USB1: variants seen among roughly 807,000 people sequenced by gnomAD.
The protein encoded by USB1 is U6 snRNA biogenesis phosphodiesterase 1.
A neutral mutation model predicts 29.9 loss-of-function variants in USB1; 21 were observed. The observed-to-expected ratio is 0.70, with a 90% CI of 0.50 to 1.01. The LOEUF (loss-of-function observed/expected upper bound fraction) is 1.01. USB1 is among the 50% of genes least tolerant of loss of function. The probability of loss-of-function intolerance (pLI) is 0.00; values close to 1 mark genes in which losing one functional copy is unlikely to be tolerated. For missense variants in USB1, 330 were observed against 347.1 expected, an observed-to-expected ratio of 0.95 and a Z score of 0.39; for synonymous variants, 143 against 134.9, an observed-to-expected ratio of 1.06 and a Z score of -0.42.
chr16:58,000,435 G>A (rs1283516643), upstream of USB1: 7 of 150,172 alleles, frequency 4.7e-5, no homozygotes, highest in Admixed American at 2.0e-4. This position sits in a 1 kb window ranked among gnomAD's most constrained non-coding sequence, Gnocchi z 4.5. Context: ...GGCGCGGGGC[G>A]AGCGGCGACC....
intron 3 of USB1, chr16:58,012,453 G>C (rs1328112268): frequency 1.7e-6 from 2 of 1,172,044 alleles, no homozygotes; most frequent in African/African-American, 1.5e-5. Context: ...CAAGATATCA[G>C]ATGGCACCTG....
chr16:58,018,848 G>T, intron 5 of USB1, 124 bp from the exon 6 acceptor site: 1 of 903,440 alleles, frequency 1.1e-6, no homozygotes, highest in Non-Finnish European at 1.8e-6. Context: ...TGAGTATCTT[G>T]TCTCCCACTG....
chr16:58,019,027 T>C lies in USB1; in HGVS notation c.665T>C (p.Leu222Pro). ...AWCVGDARLQLEGQCLQELQA... is the reference protein window; with the variant it reads ...AWCVGDARLQPEGQCLQELQA... Reference sequence around the variant, plus strand: ...TGTGTGGGTGATGCACGTCTCCAGCTGGAGGGGCAGTGCCTGCAGGAACTA... The same window carrying C: ...TGTGTGGGTGATGCACGTCTCCAGCCGGAGGGGCAGTGCCTGCAGGAACTA... The change falls in exon 6 of 7, where the codon CTG becomes CCG. Residue 222 changes from leucine to proline, a missense_variant. Physicochemically the swap from Leu to Pro is moderately conservative, Grantham distance 98 (BLOSUM62 -3). Transcript: ENST00000219281. The C allele has an allele frequency of 6.2e-7, 1 of 1,614,140 alleles. No individual in the cohort carries two copies.
chr16:58,001,575 A>G lies in USB1; in HGVS notation c.92A>G (p.His31Arg), dbSNP rs1963194145. 1 of 1,605,764 alleles carries G rather than the reference A, an allele frequency of 6.2e-7. No homozygotes were observed. Among genetic ancestry groups the G allele is most frequent in the Non-Finnish European group, 8.5e-7 (1 of 1,176,746 alleles). ...GMRTRPGDGS[H>R]RRGQSPLPRQ... ...CGGACCAGGCCGGGGGATGGGAGCC[A>G]CCGTCGGTGAGGAGTGAGGAAGTCT... The change falls in exon 1 of 7, where the codon CAC becomes CGC. Residue 31 changes from histidine to arginine, a missense_variant. Transcript: ENST00000219281.
intron 3 of USB1, chr16:58,012,634 G>A (rs899257294): frequency 2.7e-5 from 35 of 1,314,026 alleles, no homozygotes; most frequent in Middle Eastern, 3.0e-4. Flanking sequence ...GGTCTGACCC[G>A]TCTCCTGTGT....
chr16:58,002,688 C>G (rs774911514), intron 2 of USB1, 43 bp downstream of exon 2: 69 of 1,612,144 alleles, frequency 4.3e-5, no homozygotes, highest in Non-Finnish European at 5.8e-5. Context: ...CCCATAGACC[C>G]GTAGGTGCCT....
At chr16:58,012,697 G>A in intron 3 of USB1, 3 of 1,133,346 alleles carry the variant, frequency 2.6e-6, no homozygotes, top group Non-Finnish European at 3.3e-6. Context: ...CACAGAGAGT[G>A]CTTCCCTTAT....
rs188982650 is a variant in USB1 at position 58,007,883 on chromosome 16, T to C, written c.266-2046T>C. On this transcript the variant is annotated intron_variant, in intron 2 of 6. Transcript: ENST00000219281. Reference sequence around the variant, plus strand: ...CTGTAATCCCAGCTACTCGGGAGACTGAGGCAGGAGAATCGCTTGAACCTG... The same window carrying C: ...CTGTAATCCCAGCTACTCGGGAGACCGAGGCAGGAGAATCGCTTGAACCTG... Among the ~76,000 whole-genome samples, 318 of 152,190 alleles carry C rather than the reference T, an allele frequency of 2.1e-3. 4 individuals carry two copies. In the East Asian group the frequency reaches 0.023, roughly 11 times the overall value.
At position 58,001,507 on chromosome 16, in the gene USB1, C is replaced by T; in HGVS notation, c.24C>T (p.Gly8=). 1 of 1,606,686 alleles carries T rather than the reference C, an allele frequency of 6.2e-7. No individual in the cohort carries two copies. Among genetic ancestry groups the T allele is most frequent in the African/African-American group, 1.3e-5 (1 of 74,920 alleles). The change falls in exon 1 of 7, where the codon GGC becomes GGT. Residue 8 remains glycine (G), a synonymous_variant. Coordinates refer to ENST00000219281, the MANE Select transcript of USB1 (RefSeq NM_024598.4). ...CCATGAGCGCGGCGCCCCTGGTGGG[C>T]TACAGCAGCAGCGGCTCCGAGGATG... MSAAPLV[G]YSSSGSEDES... is the part of the protein sequence containing the mutation.
chr16:58,012,513 C>A, intron 3 of USB1: 1 of 1,225,244 alleles, frequency 8.2e-7, no homozygotes, highest in South Asian at 1.6e-5. Context: ...CTGTCCCCTT[C>A]CTTTGTCACA....
intron 2 of USB1, 36 bp from the exon 3 acceptor site, chr16:58,009,893 A>G: frequency 6.2e-7 from 1 of 1,613,852 alleles, no homozygotes. Flanking sequence ...ACCTTGGCTG[A>G]GAGAACGGCC....
At chr16:58,004,882 G>A (rs1030206924) in intron 2 of USB1, among the ~76,000 whole-genome samples, 6 of 152,280 alleles carry the variant, frequency 3.9e-5, no homozygotes, top group African/African-American at 9.6e-5. Context: ...ACCAAGACGC[G>A]GAGACCGGTA....
chr16:58,011,334 C>T, intron 3 of USB1: 1 of 1,386,006 alleles, frequency 7.2e-7, no homozygotes, highest in Non-Finnish European at 9.3e-7. Flanking sequence ...CAGCACACCA[C>T]TTGGGTGAAG....
intron 2 of USB1, among the ~76,000 whole-genome samples, chr16:58,006,591 G>A (rs1468977471): frequency 6.6e-6 from 1 of 152,066 alleles, no homozygotes; most frequent in African/African-American, 2.4e-5. Context: ...CCCGGGAGGT[G>A]GAGGTTGCAG....
rs760767630 is a variant in USB1, at chr16:58,020,242, G to A, written c.795G>A (p.Lys265=). 11 of 1,614,036 alleles carry A rather than the reference G, an allele frequency of 6.8e-6. No homozygotes were observed. The Admixed American group carries it at 1.2e-4, about 17-fold the overall frequency. The part of the protein sequence containing the change: ...SGNKFFSMPL[K] Reference sequence around the variant, plus strand: ...ACAAGTTCTTCTCGATGCCTTTGAAGTGAGCACCAGAGGCCTTCCTCCTCC... The same window carrying A: ...ACAAGTTCTTCTCGATGCCTTTGAAATGAGCACCAGAGGCCTTCCTCCTCC... Residue 265 remains lysine (K), a synonymous_variant, in exon 7 of 7, where the codon AAG becomes AAA. Transcript: ENST00000219281.
At chr16:58,005,906 G>A (rs1341534971) in intron 2 of USB1, among the ~76,000 whole-genome samples, 1 of 152,138 alleles carries the variant, frequency 6.6e-6, no homozygotes, top group African/African-American at 2.4e-5. Context: ...AATCCTACTT[G>A]TTCGTTGCTG....
In USB1 at chr16:58,013,887, T is replaced by C; in HGVS notation, c.450-386T>C. 1 of 238,124 alleles carries C rather than the reference T, an allele frequency of 4.2e-6. No individual in the cohort carries two copies. Among genetic ancestry groups the C allele is most frequent in the Non-Finnish European group, 8.3e-6 (1 of 120,196 alleles). 14.8% of individuals were successfully genotyped at this position (238,124 alleles called of 1,614,324 possible). A position where few individuals can be genotyped will look rare whatever the true frequency, so the allele number is the denominator to read the frequency against. The stretch of plus-strand genomic sequence containing the variant: ...TGTTGTCGTGATTGCTTAGATGAAA[T>C]CGGAGTCATCTATTTTAAAAAACTG... On this transcript the variant is annotated intron_variant, in intron 3 of 6. Transcript: ENST00000219281. The surrounding 1 kb of genome is among the most constrained non-coding windows in gnomAD (Gnocchi z 4.3).
intron 1 of USB1, among the ~76,000 whole-genome samples, chr16:58,001,902 G>A (rs142276022): frequency 6.6e-6 from 1 of 152,176 alleles, no homozygotes; most frequent in East Asian, 1.9e-4. Flanking sequence ...ATACAATTGC[G>A]ATAGTAATAC....
At chr16:58,002,769 T>A in intron 2 of USB1, 124 bp downstream of exon 2, 1 of 1,360,824 alleles carries the variant, frequency 7.3e-7, no homozygotes, top group Non-Finnish European at 1.0e-6. Flanking sequence ...GGTGGGAAAG[T>A]CATTGACTTA....
Sources: allele counts gnomAD v4.1 joint callset (sites outside exome capture counted in the v4.1 genomes callset), GRCh38; gene constraint gnomAD v4.1.1; non-coding constraint Gnocchi (gnomAD v3.1); transcripts MANE v1.5; gene names NCBI Gene and HGNC (gene_info 2026-07-23, HGNC 2026-07-21).